KLHL1: variants seen among roughly 807,000 people sequenced by gnomAD.
KLHL1 encodes the protein kelch like family member 1.
Under a neutral mutation model 77.7 loss-of-function variants are expected in KLHL1, and 47 were observed. The ratio of observed to expected loss-of-function variants is 0.60; its 90% CI spans 0.48 to 0.77. KLHL1 has a LOEUF of 0.77. KLHL1 is among the 30% of genes least tolerant of loss of function. The probability of loss-of-function intolerance (pLI) is 0.00; values close to 1 mark genes in which losing one functional copy is unlikely to be tolerated. For missense variants in KLHL1, 925 were observed against 910.8 expected (o/e 1.02, Z -0.20); for synonymous variants, 360 against 325.2 (o/e 1.11, Z -1.15).
chr13:69,918,247 A>G lies in KLHL1; in HGVS notation c.1014+21793T>C, dbSNP rs137888502. 5.0e-3 allele frequency among the ~76,000 whole-genome samples: 765 copies of G among 152,002 alleles called. 6 individuals carry two copies. Among genetic ancestry groups the G allele is most frequent in the African/African-American group, 0.017 (691 of 41,554 alleles). On this transcript the variant is annotated intron_variant, in intron 4 of 10. Coordinates refer to ENST00000377844, the MANE Select transcript of KLHL1 (RefSeq NM_020866.3). Reference sequence around the variant, plus strand: ...TAATAGTTTTGTAAATTTTATTTTAAAATATAATTAAATTTTAATACTATA... The same window carrying G: ...TAATAGTTTTGTAAATTTTATTTTAGAATATAATTAAATTTTAATACTATA...
intron 5 of KLHL1, among the ~76,000 whole-genome samples, chr13:69,839,413 T>C (rs878879589): frequency 7.2e-5 from 11 of 151,898 alleles, no homozygotes; most frequent in Admixed American, 4.6e-4. Context: ...AAAACACTTA[T>C]AGTGATCAGC....
In KLHL1 at chr13:70,071,118, C is replaced by A. The variant is rs1268280411; in HGVS notation, c.497+36085G>T. 2.0e-5 allele frequency among the ~76,000 whole-genome samples: 3 copies of A among 151,818 alleles called. No individual in the cohort carries two copies. The East Asian group carries it at 5.8e-4, about 29-fold the overall frequency. ...ATCCAACAATTAAAAGCCAGAGACT[C>A]TGAGACTTGAAAAAATTAATAAATA... is the stretch of plus-strand genomic sequence containing the variant. On this transcript the variant is annotated intron_variant, in intron 1 of 10. Coordinates refer to ENST00000377844, the MANE Select transcript of KLHL1 (RefSeq NM_020866.3).
chr13:69,976,535 GT>G (rs1447820724), intron 1 of KLHL1, among the ~76,000 whole-genome samples: 2 of 152,070 alleles, frequency 1.3e-5, no homozygotes, highest in Non-Finnish European at 1.5e-5. Flanking sequence ...AGGGAAGACT[GT>G]TAATATTCAA....
At chr13:70,007,009 C>G (rs945781069) in intron 1 of KLHL1, among the ~76,000 whole-genome samples, 3 of 151,742 alleles carry the variant, frequency 2.0e-5, no homozygotes, top group African/African-American at 7.3e-5. Flanking sequence ...TGATGATAGC[C>G]ATAAGAGCTA....
chr13:69,975,027 A>G (rs1408250327), intron 2 of KLHL1, among the ~76,000 whole-genome samples: 1 of 152,058 alleles, frequency 6.6e-6, no homozygotes, highest in Non-Finnish European at 1.5e-5. Flanking sequence ...CCATATTGTA[A>G]TATTTCTATC....
chr13:70,032,184 G>T (rs1245008731), intron 1 of KLHL1, among the ~76,000 whole-genome samples: 5 of 152,182 alleles, frequency 3.3e-5, no homozygotes, highest in African/African-American at 9.7e-5. Flanking sequence ...CTTAATAGAT[G>T]CTATGACTAT....
At chr13:69,892,259 A>G (rs1418012593) in intron 4 of KLHL1, among the ~76,000 whole-genome samples, 2 of 152,184 alleles carry the variant, frequency 1.3e-5, no homozygotes, top group African/African-American at 4.8e-5. Context: ...AGCTTAGAAG[A>G]AAATAGTATC....
intron 1 of KLHL1, among the ~76,000 whole-genome samples, chr13:69,997,338 C>A (rs1885181255): frequency 6.6e-6 from 1 of 150,884 alleles, no homozygotes; most frequent in Non-Finnish European, 1.5e-5. Context: ...ATATGTCTTT[C>A]ATCAAATTGT....
intron 7 of KLHL1, among the ~76,000 whole-genome samples, chr13:69,787,671 A>C (rs1295332078): frequency 1.3e-5 from 2 of 152,212 alleles, no homozygotes; most frequent in African/African-American, 2.4e-5. Context: ...GGATCTAATT[A>C]AACTAAAGAG....
chr13:69,941,749 C>G (rs539205747), intron 3 of KLHL1, among the ~76,000 whole-genome samples: 1 of 151,800 alleles, frequency 6.6e-6, no homozygotes, highest in South Asian at 2.1e-4. Context: ...AGAGAAGATC[C>G]AAATAAACTC....
At position 69,735,909 on chromosome 13, in the gene KLHL1, C is replaced by T. The variant is rs553820940; in HGVS notation, c.1802+4485G>A. ...CAATTATTATAAGAAATATGCCTTACCTTTGCATTAAACAAAATATATAAT... is the reference window on the plus strand; with the variant it reads ...CAATTATTATAAGAAATATGCCTTATCTTTGCATTAAACAAAATATATAAT... On this transcript the variant is annotated intron_variant, in intron 8 of 10. Transcript: ENST00000377844. Among the ~76,000 whole-genome samples, 8 of 152,146 alleles carry T rather than the reference C, an allele frequency of 5.3e-5. No homozygotes were observed. The East Asian group carries it at 1.5e-3, about 29-fold the overall frequency.
chr13:70,030,832 T>C (rs1333539943), intron 1 of KLHL1, among the ~76,000 whole-genome samples: 2 of 151,936 alleles, frequency 1.3e-5, no homozygotes, highest in African/African-American at 2.4e-5. Flanking sequence ...TTCAACAAAA[T>C]TGATAGACTG....
chr13:69,819,640 A>G (rs1300818629), intron 6 of KLHL1, among the ~76,000 whole-genome samples: 1 of 152,040 alleles, frequency 6.6e-6, no homozygotes, highest in Non-Finnish European at 1.5e-5. Flanking sequence ...ATGTAGAAAT[A>G]AAAGAGGCTT....
intron 7 of KLHL1, among the ~76,000 whole-genome samples, chr13:69,774,042 A>C (rs994872711): frequency 6.6e-6 from 1 of 151,982 alleles, no homozygotes; most frequent in Non-Finnish European, 1.5e-5. Context: ...AATAACAAAA[A>C]TAATGTTGAC....
At chr13:69,928,834 G>T (rs1183699478) in intron 4 of KLHL1, among the ~76,000 whole-genome samples, 1 of 152,032 alleles carries the variant, frequency 6.6e-6, no homozygotes, top group East Asian at 1.9e-4. Context: ...AGTGATAGTG[G>T]TGATAGTTGC....
At chr13:69,990,399 CA>C (rs1416068654) in intron 1 of KLHL1, among the ~76,000 whole-genome samples, 2 of 151,894 alleles carry the variant, frequency 1.3e-5, no homozygotes, top group African/African-American at 4.8e-5. Context: ...AAGCAAGAGC[CA>C]GGGGTATGGT....
At chr13:69,985,847 G>C (rs1368727597) in intron 1 of KLHL1, among the ~76,000 whole-genome samples, 1 of 127,540 alleles carries the variant, frequency 7.8e-6, no homozygotes, top group South Asian at 2.7e-4. Flanking sequence ...TGTGTGTATA[G>C]ATATATATAT....
chr13:69,782,107 GTTCT>G (rs545442520), intron 7 of KLHL1, among the ~76,000 whole-genome samples: 11 of 152,240 alleles, frequency 7.2e-5, no homozygotes, highest in Admixed American at 7.2e-4. Flanking sequence ...ATAAATTTGT[GTTCT>G]TTTTCTGTTT....
intron 1 of KLHL1, among the ~76,000 whole-genome samples, chr13:70,082,023 C>A (rs1179850549): frequency 6.6e-6 from 1 of 152,016 alleles, no homozygotes; most frequent in Non-Finnish European, 1.5e-5. Flanking sequence ...TGACTGAGTT[C>A]TCAGGAGGTC....
Sources: allele counts gnomAD v4.1 joint callset (sites outside exome capture counted in the v4.1 genomes callset), GRCh38; gene constraint gnomAD v4.1.1; transcripts MANE v1.5; gene names NCBI Gene and HGNC (gene_info 2026-07-23, HGNC 2026-07-21).